GALNT18: variants seen among roughly 807,000 people sequenced by gnomAD.
GALNT18 encodes the protein polypeptide N-acetylgalactosaminyltransferase 18.
Under a neutral mutation model 69.5 loss-of-function variants are expected in GALNT18, and 44 were observed. That is an observed-to-expected ratio of 0.63 (90% CI 0.50 to 0.81). GALNT18 has a LOEUF of 0.81. GALNT18 is among the 40% of genes least tolerant of loss of function. The probability of loss-of-function intolerance (pLI) is 0.00; values close to 1 mark genes in which losing one functional copy is unlikely to be tolerated. For synonymous variants in GALNT18, 364 were observed against 318.2 expected (o/e 1.14, Z -1.53); for missense variants, 715 against 810.0 (o/e 0.88, Z 1.42).
intron 1 of GALNT18, among the ~76,000 whole-genome samples, chr11:11,519,898 G>T (rs1857357747): frequency 2.0e-5 from 3 of 152,240 alleles, no homozygotes; most frequent in Admixed American, 2.0e-4. Flanking sequence ...AGTGTAAGCA[G>T]CCAGTGACTG....
intron 1 of GALNT18, among the ~76,000 whole-genome samples, chr11:11,615,392 T>C (rs1324469114): frequency 6.6e-6 from 1 of 152,184 alleles, no homozygotes; most frequent in Non-Finnish European, 1.5e-5. Context: ...GGAAACAAAA[T>C]GCAGTTAATA....
At position 11,340,947 on chromosome 11, in the gene GALNT18, C is replaced by T; in HGVS notation, c.1150G>A (p.Glu384Lys). ...VLPCSRIAHI[E>K]RAHKPYTEDL... ...TCTGTGTAGGGCTTGTGGGCTCGCTCAATGTGGGCAATCCGTGAGCAGGGC... is the reference window on the plus strand; with the variant it reads ...TCTGTGTAGGGCTTGTGGGCTCGCTTAATGTGGGCAATCCGTGAGCAGGGC... The change falls in exon 7 of 11, where the codon GAG (glutamate) becomes AAG (lysine). Residue 384 changes from glutamate (E) to lysine (K), a missense_variant. Physicochemically the swap from Glu to Lys is moderately conservative, Grantham distance 56 (BLOSUM62 1). Coordinates refer to ENST00000227756, the MANE Select transcript of GALNT18 (RefSeq NM_198516.3). The surrounding 1 kb of genome is among the most constrained non-coding windows in gnomAD (Gnocchi z 4.2). The T allele has an allele frequency of 1.2e-6, 2 of 1,613,140 alleles. No homozygotes were observed. Among genetic ancestry groups the T allele is most frequent in the Non-Finnish European group, 1.7e-6 (2 of 1,179,546 alleles).
chr11:11,336,956 T>C (rs958867072), intron 7 of GALNT18, among the ~76,000 whole-genome samples: 2 of 151,964 alleles, frequency 1.3e-5, no homozygotes, highest in Non-Finnish European at 2.9e-5. Context: ...GAGGCCAGGA[T>C]TGGGGGCAAA....
chr11:11,329,578 A>G (rs980024268), intron 8 of GALNT18, among the ~76,000 whole-genome samples: 38 of 152,190 alleles, frequency 2.5e-4, no homozygotes, highest in African/African-American at 9.2e-4. Context: ...ATGAGACCAC[A>G]TTCCTGTGCT....
At chr11:11,363,041 A>G (rs530862612) in intron 6 of GALNT18, among the ~76,000 whole-genome samples, 1 of 152,184 alleles carries the variant, frequency 6.6e-6, no homozygotes, top group Non-Finnish European at 1.5e-5. Flanking sequence ...GTGAGATAAT[A>G]AAAATGTGCA....
intron 1 of GALNT18, among the ~76,000 whole-genome samples, chr11:11,574,689 C>T (rs1479520470): frequency 6.6e-6 from 1 of 152,188 alleles, no homozygotes; most frequent in Non-Finnish European, 1.5e-5. Context: ...ACTCTGGGTG[C>T]AGGCAGGAGC....
At chr11:11,319,375 A>G (rs748588996) in intron 9 of GALNT18, among the ~76,000 whole-genome samples, 5 of 152,214 alleles carry the variant, frequency 3.3e-5, no homozygotes, top group Non-Finnish European at 5.9e-5. Flanking sequence ...TGTTGCTAGC[A>G]CCAGAATATA....
At chr11:11,276,501 C>G (rs1848950473) in intron 10 of GALNT18, among the ~76,000 whole-genome samples, 1 of 152,180 alleles carries the variant, frequency 6.6e-6, no homozygotes, top group Non-Finnish European at 1.5e-5. Context: ...TCCTCTCTCT[C>G]TTCCTATTTG....
chr11:11,372,592 G>C lies in GALNT18; in HGVS notation c.1015C>G (p.Gln339Glu), dbSNP rs769590080. The C allele has an allele frequency of 4.3e-6, 7 of 1,614,070 alleles. No individual in the cohort carries two copies. Among genetic ancestry groups the C allele is most frequent in the South Asian group, 1.1e-5 (1 of 91,088 alleles). The change falls in exon 6 of 11, where the codon CAG becomes GAG. Residue 339 changes from glutamine (Q) to glutamate (E), a missense_variant. Transcript: ENST00000227756. This position sits in a 1 kb window ranked among gnomAD's most constrained non-coding sequence, Gnocchi z 4.9. ...ALIGCFIVDR[Q>E]YFQEIGLLDE... ...AGCAGGCCGATCTCCTGGAAGTACTGCCGGTCCACAATGAAGCAGCCAATG... is the reference window on the plus strand; with the variant it reads ...AGCAGGCCGATCTCCTGGAAGTACTCCCGGTCCACAATGAAGCAGCCAATG...
chr11:11,334,260 G>T lies in GALNT18; in HGVS notation c.1279-1429C>A, dbSNP rs74237006. Among the ~76,000 whole-genome samples, 16 of 152,118 alleles carry T rather than the reference G, an allele frequency of 1.1e-4. 1 individual carries two copies. The East Asian group carries it at 2.3e-3, about 22-fold the overall frequency. On this transcript the variant is annotated intron_variant, in intron 7 of 10. Transcript: ENST00000227756. ...GGGCTTGAGTGAAAACACAATTTAG[G>T]GGCCAGGCGCAGTGGCTCACACCTG...
chr11:11,349,404 C>T (rs1311799192), intron 6 of GALNT18, among the ~76,000 whole-genome samples: 6 of 152,184 alleles, frequency 3.9e-5, no homozygotes, highest in Non-Finnish European at 8.8e-5. Flanking sequence ...ACATTATACT[C>T]CCACCAGCAT....
At chr11:11,597,537 T>C (rs1280895983) in intron 1 of GALNT18, among the ~76,000 whole-genome samples, 3 of 152,206 alleles carry the variant, frequency 2.0e-5, no homozygotes. Flanking sequence ...AGTCTAAGAA[T>C]TGGTCCATTT....
At chr11:11,420,073 G>A (rs1384428955) in intron 3 of GALNT18, among the ~76,000 whole-genome samples, 2 of 151,656 alleles carry the variant, frequency 1.3e-5, no homozygotes, top group African/African-American at 2.4e-5. Flanking sequence ...AATTGAATTG[G>A]TTTCCCAATT....
rs940407993 is a variant in GALNT18 at position 11,339,914 on chromosome 11, G to C, written c.1278+905C>G. Among the ~76,000 whole-genome samples, 2 of 152,150 alleles carry C rather than the reference G, an allele frequency of 1.3e-5. No homozygotes were observed. Among genetic ancestry groups the C allele is most frequent in the African/African-American group, 2.4e-5 (1 of 41,436 alleles). ...CTTTCATATGATCACTTTGAGCGAA[G>C]ATCAATCACTTCCCCATTAGAAGCT... On this transcript the variant is annotated intron_variant, in intron 7 of 10. Coordinates refer to ENST00000227756, the MANE Select transcript of GALNT18 (RefSeq NM_198516.3). The surrounding 1 kb of genome is among the most constrained non-coding windows in gnomAD (Gnocchi z 5.2).
At position 11,614,659 on chromosome 11, in the gene GALNT18, T is replaced by A. The variant is rs752334742; in HGVS notation, c.235+6700A>T. Reference sequence around the variant, plus strand: ...AATGAAGACGCTCCAGTAACCCTGTTTGTGACTCTGAATCCCATAAATACC... The same window carrying A: ...AATGAAGACGCTCCAGTAACCCTGTATGTGACTCTGAATCCCATAAATACC... On this transcript the variant is annotated intron_variant, in intron 1 of 10. Transcript: ENST00000227756. The surrounding 1 kb of genome is among the most constrained non-coding windows in gnomAD (Gnocchi z 5.6). Among the ~76,000 whole-genome samples, 5 of 152,202 alleles carry A rather than the reference T, an allele frequency of 3.3e-5. No individual in the cohort carries two copies.
intron 3 of GALNT18, among the ~76,000 whole-genome samples, chr11:11,388,158 A>G (rs1345634797): frequency 2.0e-5 from 3 of 152,104 alleles, no homozygotes; most frequent in Non-Finnish European, 4.4e-5. Context: ...AAAGTCCCAG[A>G]TTTACCACCT....
rs1389572584 is a variant in GALNT18 at position 11,383,191 on chromosome 11, T to G, written c.596-3927A>C. Among the ~76,000 whole-genome samples, 1 of 152,204 alleles carries G rather than the reference T, an allele frequency of 6.6e-6. No individual in the cohort carries two copies. Among genetic ancestry groups the G allele is most frequent in the African/African-American group, 2.4e-5 (1 of 41,460 alleles). ...CTCTCCGGGCCTGCTCAGGGCAGGC[T>G]GCTTGCCAGCTCTCATTTCTTCAGA... On this transcript the variant is annotated intron_variant, in intron 3 of 10. Coordinates refer to ENST00000227756, the MANE Select transcript of GALNT18 (RefSeq NM_198516.3). This position sits in a 1 kb window ranked among gnomAD's most constrained non-coding sequence, Gnocchi z 5.2.
At chr11:11,418,646 C>T (rs1278170829) in intron 3 of GALNT18, among the ~76,000 whole-genome samples, 1 of 152,226 alleles carries the variant, frequency 6.6e-6, no homozygotes, top group African/African-American at 2.4e-5. Context: ...GTGTTATCAT[C>T]TGCACTCGGC....
In GALNT18 at chr11:11,413,448, C is replaced by T. The variant is rs537142539; in HGVS notation, c.595+19173G>A. 5.3e-5 allele frequency among the ~76,000 whole-genome samples: 8 copies of T among 152,314 alleles called. No individual in the cohort carries two copies. The highest frequency in any genetic ancestry group is 3.9e-4 in the East Asian group (2 of 5,176). On this transcript the variant is annotated intron_variant, in intron 3 of 10. Transcript: ENST00000227756. The surrounding 1 kb of genome is among the most constrained non-coding windows in gnomAD (Gnocchi z 4.7). ...ATCAGGGATTTGATCATCCTACGGA[C>T]GATTCCTTATTCACGTTCATTCTTC...
Sources: gnomAD v4.1 joint callset for allele counts (sites outside exome capture counted in the v4.1 genomes callset) on GRCh38, gnomAD v4.1.1 for gene constraint, Gnocchi (gnomAD v3.1) non-coding constraint, MANE v1.5 for transcripts, NCBI Gene and HGNC (gene_info 2026-07-23, HGNC 2026-07-21) for gene names.